VPS13A: variants seen among roughly 807,000 people sequenced by gnomAD.
VPS13A encodes the protein vacuolar protein sorting 13 homolog A.
Under a neutral mutation model 390.9 loss-of-function variants are expected in VPS13A, and 264 were observed. That is an observed-to-expected ratio of 0.68 (90% CI 0.61 to 0.75). The LOEUF is 0.75. Ranked by LOEUF, VPS13A falls within the 30% of genes least tolerant of loss-of-function variation. The pLI is 0.00. For missense variants in VPS13A, 3,409 were observed against 3,733.9 expected (o/e 0.91, Z 2.27); for synonymous variants, 1,231 against 1,227.1 (o/e 1.00, Z -0.07).
intron 1 of VPS13A, among the ~76,000 whole-genome samples, chr9:77,187,038 G>A (rs1824382603): frequency 1.3e-5 from 2 of 152,196 alleles, no homozygotes; most frequent in Admixed American, 6.5e-5. Flanking sequence ...AGGTGCATCC[G>A]TGTTGTAGGA....
Position 77,332,116 on chromosome 9 carries a change from A to T in VPS13A, c.6095+3A>T. On this transcript the variant is annotated splice_donor_region_variant and intron_variant, in intron 46 of 71. Coordinates refer to ENST00000360280, the MANE Select transcript of VPS13A (RefSeq NM_033305.3). ...AACATACCATTAGGATCTTACCGGT[A>T]TTTTGTCTTTATCATTTTATTTACT... 1 of 1,601,986 alleles carries T rather than the reference A, an allele frequency of 6.2e-7. No homozygotes were observed. Among genetic ancestry groups the T allele is most frequent in the Non-Finnish European group, 8.5e-7 (1 of 1,169,768 alleles).
chr9:77,421,160 C>G lies in VPS13A; in HGVS notation c.*5154C>G, dbSNP rs1343278145. The G allele has an allele frequency of 1.3e-5, 2 of 152,112 alleles. No homozygotes were observed. Among genetic ancestry groups the G allele is most frequent in the Non-Finnish European group, 2.9e-5 (2 of 68,014 alleles). The allele number at this position is 152,112 out of a possible 1,614,324, so 9.4% of individuals were successfully genotyped here. On this transcript the variant is annotated 3_prime_UTR_variant, in exon 72 of 72. Coordinates refer to ENST00000360280, the MANE Select transcript of VPS13A (RefSeq NM_033305.3). ...TGCTGCTTTGGAATGCTTATTCTTTCTTTGATGAAAATACGGTCATTGATT... is the reference window on the plus strand; with the variant it reads ...TGCTGCTTTGGAATGCTTATTCTTTGTTTGATGAAAATACGGTCATTGATT...
At chr9:77,345,271 A>C in intron 52 of VPS13A, 129 bp downstream of exon 52, 2 of 1,059,570 alleles carry the variant, frequency 1.9e-6, no homozygotes. Context: ...ACAGTGTTCC[A>C]TTAAAAAATG....
At chr9:77,402,120 G>C (rs1834419757) in intron 68 of VPS13A, among the ~76,000 whole-genome samples, 1 of 152,012 alleles carries the variant, frequency 6.6e-6, no homozygotes, top group Non-Finnish European at 1.5e-5. Flanking sequence ...GTATTACAAA[G>C]TGTTTGTGTT....
chr9:77,368,204 A>G (rs1008302624), intron 62 of VPS13A, 68 bp downstream of exon 62: 8 of 1,277,646 alleles, frequency 6.3e-6, no homozygotes, highest in South Asian at 1.3e-5. Context: ...GTGTCTATAC[A>G]TATATAATGT....
intron 68 of VPS13A, among the ~76,000 whole-genome samples, chr9:77,393,127 A>G (rs1833968166): frequency 6.6e-6 from 1 of 152,214 alleles, no homozygotes; most frequent in African/African-American, 2.4e-5. Context: ...CTTTGTTGTC[A>G]TTTAAACAAT....
rs1021378215 is a variant in VPS13A at position 77,416,959 on chromosome 9, T to C, written c.*953T>C. 2.0e-5 allele frequency: 3 copies of C among 152,584 alleles called. No individual in the cohort carries two copies. The highest frequency in any genetic ancestry group is 1.3e-4 in the Admixed American group (2 of 15,278). 9.5% of individuals were successfully genotyped at this position (152,584 alleles called of 1,614,324 possible). On this transcript the variant is annotated 3_prime_UTR_variant, in exon 72 of 72. Coordinates refer to ENST00000360280, the MANE Select transcript of VPS13A (RefSeq NM_033305.3). ...ACCCAATAACCTGTCCCGTTGCCAA[T>C]AGATTGAGAATTTCTGGTTTGCTTA...
chr9:77,408,005 C>G (rs1246032646), intron 71 of VPS13A, among the ~76,000 whole-genome samples: 1 of 152,106 alleles, frequency 6.6e-6, no homozygotes, highest in East Asian at 1.9e-4. Flanking sequence ...TAAAAAGTTG[C>G]CATAGCTGAC....
At chr9:77,314,723 G>A in intron 37 of VPS13A, 59 bp downstream of exon 37, 1 of 1,539,008 alleles carries the variant, frequency 6.5e-7, no homozygotes, top group African/African-American at 1.4e-5. Context: ...ATATTTTACA[G>A]AATTCATCTC....
intron 52 of VPS13A, among the ~76,000 whole-genome samples, chr9:77,347,181 T>C (rs903557523): frequency 6.6e-6 from 1 of 152,174 alleles, no homozygotes; most frequent in African/African-American, 2.4e-5. Context: ...CCTTTTATGG[T>C]TCCATATAAA....
At chr9:77,379,479 A>G (rs922429546) in intron 67 of VPS13A, among the ~76,000 whole-genome samples, 1 of 152,088 alleles carries the variant, frequency 6.6e-6, no homozygotes, top group Admixed American at 6.6e-5. Flanking sequence ...ACCTCAGGTG[A>G]TCTGCCCGCC....
intron 26 of VPS13A, among the ~76,000 whole-genome samples, chr9:77,279,122 A>C (rs1826865257): frequency 6.6e-6 from 1 of 152,206 alleles, no homozygotes; most frequent in South Asian, 2.1e-4. Flanking sequence ...TCGCAAGGGC[A>C]GGGGGCCATT....
rs201662297 is a variant in VPS13A at position 77,363,273 on chromosome 9, CTTAG to C, written c.8212-2184_8212-2181del. Among the ~76,000 whole-genome samples the C allele has an allele frequency of 1.7e-4, 25 of 150,502 alleles. No individual in the cohort carries two copies. The East Asian group carries it at 3.7e-3, about 22-fold the overall frequency. The stretch of plus-strand genomic sequence containing the variant: ...TTTTTCAGGTTGAGGAAGTTCTTTT[CTTAG>C]TTGGTTGAGTGTTTTTAATCATGAT... On this transcript the variant is annotated intron_variant, in intron 59 of 71. Transcript: ENST00000360280.
intron 2 of VPS13A, among the ~76,000 whole-genome samples, chr9:77,200,893 T>A (rs1004725136): frequency 2.6e-5 from 4 of 152,212 alleles, no homozygotes; most frequent in Non-Finnish European, 5.9e-5. Context: ...GGATAAGGGT[T>A]CAGTTTCATG....
rs1003292735 is a variant in VPS13A, at chr9:77,190,242, G to A, written c.101-9703G>A. 2.0e-5 allele frequency among the ~76,000 whole-genome samples: 3 copies of A among 152,100 alleles called. No homozygotes were observed. In the South Asian group the frequency reaches 6.2e-4, roughly 31 times the overall value. ...GTTAGCTGTGGGTTTTTCATAGATG[G>A]CTCTTATTATTTCCAGGTATATTCC... On this transcript the variant is annotated intron_variant, in intron 1 of 71. Coordinates refer to ENST00000360280, the MANE Select transcript of VPS13A (RefSeq NM_033305.3).
rs778617845 is a variant in VPS13A at position 77,321,276 on chromosome 9, A to G, written c.5523A>G (p.Leu1841=). ...TCAGTTTCCATTCAAAAGACCAATT[A>G]AACATTACATTATCCAAATGTGGTC... ...TVISFHSKDQ[L]NITLSKCGLV... Residue 1841 remains leucine (L), a synonymous_variant, in exon 43 of 72, where the codon TTA becomes TTG. Coordinates refer to ENST00000360280, the MANE Select transcript of VPS13A (RefSeq NM_033305.3). The G allele has an allele frequency of 1.9e-5, 31 of 1,610,476 alleles. No individual in the cohort carries two copies. Among genetic ancestry groups the G allele is most frequent in the Non-Finnish European group, 2.5e-5 (29 of 1,177,812 alleles).
Position 77,366,818 on chromosome 9 carries a change from T to C in VPS13A, c.8417T>C (p.Leu2806Pro). 1 of 1,613,390 alleles carries C rather than the reference T, an allele frequency of 6.2e-7. No homozygotes were observed. Among genetic ancestry groups the C allele is most frequent in the Non-Finnish European group, 8.5e-7 (1 of 1,179,578 alleles). The change falls in exon 61 of 72, where the codon CTT becomes CCT. Residue 2806 changes from leucine to proline, a missense_variant. Physicochemically the swap from Leu to Pro is moderately conservative, Grantham distance 98. Transcript: ENST00000360280. ...GGLIPVHSLN[L>P]LLKSIGATLT... ...CTGATTCCAGTTCATTCTTTAAATC[T>C]TTTGCTGAAGAGTATTGGTGCCACA...
chr9:77,340,551 G>A lies in VPS13A; in HGVS notation c.7026+1G>A. 2 of 1,612,080 alleles carry A rather than the reference G, an allele frequency of 1.2e-6. No homozygotes were observed. The highest frequency in any genetic ancestry group is 1.7e-6 in the Non-Finnish European group (2 of 1,179,580). The stretch of plus-strand genomic sequence containing the variant: ...ATGGCTCTCTCTTGATTTGGAGCAG[G>A]TGGGTAGATGAATTTCAAAAATATA... On this transcript the variant is annotated splice_donor_variant, in intron 50 of 71. Coordinates refer to ENST00000360280, the MANE Select transcript of VPS13A (RefSeq NM_033305.3). LOFTEE classifies it high-confidence loss of function.
intron 68 of VPS13A, chr9:77,385,252 C>T: frequency 1.4e-6 from 1 of 738,592 alleles, no homozygotes; most frequent in Non-Finnish European, 1.7e-6. Flanking sequence ...TTATAAAAAA[C>T]AGTCATGGCC....
Sources: gnomAD v4.1 joint callset for allele counts (sites outside exome capture counted in the v4.1 genomes callset) on GRCh38, gnomAD v4.1.1 for gene constraint, MANE v1.5 for transcripts, NCBI Gene and HGNC (gene_info 2026-07-23, HGNC 2026-07-21) for gene names.